Variants in PHF24 observed in about 807,000 individuals in gnomAD.
The protein encoded by PHF24 is PHD finger protein 24, also known as Galpha inhibitory interacting protein.
A neutral mutation model predicts 42.6 loss-of-function variants in PHF24; 25 were observed. The observed-to-expected ratio is 0.59, with a 90% CI of 0.43 to 0.82. The LOEUF (loss-of-function observed/expected upper bound fraction) is 0.82, where lower values mean the gene tolerates loss of function less well. Ranked by LOEUF, PHF24 falls within the 40% of genes least tolerant of loss-of-function variation. The pLI, the probability that PHF24 is intolerant of heterozygous loss-of-function variation, is 0.00. For synonymous variants in PHF24, 185 were observed against 204.8 expected (o/e 0.90, Z 0.83); for missense variants, 470 against 538.1 (o/e 0.87, Z 1.25).
chr9:34,931,518 A>T, the PHF24 span, among the ~76,000 whole-genome samples: 3 of 152,106 alleles, frequency 2.0e-5, no homozygotes, highest in African/African-American at 7.2e-5. Flanking sequence ...AGATATCATC[A>T]CTAAAGAACT....
chr9:34,687,346 TG>T, the PHF24 span, among the ~76,000 whole-genome samples: 1 of 152,160 alleles, frequency 6.6e-6, no homozygotes. Flanking sequence ...TCTATGCAAA[TG>T]CTGGCGGTTT....
At chr9:34,690,205 C>T in the PHF24 span, 6 of 1,614,076 alleles carry the variant, frequency 3.7e-6, no homozygotes, top group Non-Finnish European at 3.4e-6. Context: ...CTCCCCACAA[C>T]TCACACTACA....
the PHF24 span, among the ~76,000 whole-genome samples, chr9:34,915,738 G>A: frequency 0.18 from 27,415 of 152,102 alleles, 2,518 homozygotes; most frequent in South Asian, 0.25. Context: ...CAGAATTGTG[G>A]TGATTTGTGC....
intron 3 of PHF24, among the ~76,000 whole-genome samples, chr9:34,973,802 C>A (rs778351647): frequency 1.1e-4 from 16 of 152,062 alleles, no homozygotes; most frequent in South Asian, 4.1e-4. Flanking sequence ...TTCATCTCGG[C>A]CACTCTGCTT....
chr9:34,922,958 G>T, the PHF24 span: 1,980 of 1,273,290 alleles, frequency 1.6e-3, no homozygotes, highest in Non-Finnish European at 1.9e-3. Flanking sequence ...CCTTGTGTCG[G>T]CATGGCCTCG....
the PHF24 span, among the ~76,000 whole-genome samples, chr9:34,876,107 G>T: frequency 3.3e-5 from 5 of 151,906 alleles, no homozygotes; most frequent in Non-Finnish European, 4.4e-5. Context: ...GTGACTCTCG[G>T]ATCCAATACA....
the PHF24 span, among the ~76,000 whole-genome samples, chr9:34,864,995 A>G: frequency 6.6e-6 from 1 of 152,080 alleles, no homozygotes; most frequent in African/African-American, 2.4e-5. Context: ...GTTAACCAAC[A>G]TGGTGAAACC....
At chr9:34,665,842 C>A in the PHF24 span, 2 of 604,516 alleles carry the variant, frequency 3.3e-6, no homozygotes, top group South Asian at 3.9e-5. Context: ...ATTTGGGAGG[C>A]ACTGGAAGTT....
At chr9:34,978,215 C>A in exon 8 of PHF24, 2 of 842,972 alleles carry the variant, frequency 2.4e-6, no homozygotes, top group South Asian at 1.5e-5. Context: ...GGGGTTGGGA[C>A]ACTGCCAGCG....
At chr9:34,702,926 T>C in the PHF24 span, among the ~76,000 whole-genome samples, 1 of 152,328 alleles carries the variant, frequency 6.6e-6, no homozygotes, top group African/African-American at 2.4e-5. Context: ...TTGATGACTT[T>C]AACAAAACAG....
At chr9:34,775,975 A>G in the PHF24 span, among the ~76,000 whole-genome samples, 2 of 152,204 alleles carry the variant, frequency 1.3e-5, no homozygotes, top group African/African-American at 4.8e-5. Flanking sequence ...GATGCAAAGT[A>G]AAAGGAGCCA....
At chr9:34,832,444 C>G in the PHF24 span, 1 of 1,445,868 alleles carries the variant, frequency 6.9e-7, no homozygotes, top group Non-Finnish European at 9.4e-7. Flanking sequence ...TCCAAGAAAG[C>G]TGGGCCCATC....
chr9:34,976,064 C>T (rs73497322), intron 3 of PHF24, 88 bp from the exon 4 acceptor site: 1 of 895,146 alleles, frequency 1.1e-6, no homozygotes, highest in African/African-American at 1.6e-5. Flanking sequence ...GAACTGCTTT[C>T]CAGTTGAAAT....
the PHF24 span, among the ~76,000 whole-genome samples, chr9:34,778,024 C>T: frequency 6.6e-6 from 1 of 152,192 alleles, no homozygotes. Context: ...CTAATTCTGG[C>T]CAATCGGGCT....
chr9:34,963,258 GTTTTT>G (rs55701555), intron 1 of PHF24, among the ~76,000 whole-genome samples: 1 of 117,110 alleles, frequency 8.5e-6, no homozygotes, highest in Non-Finnish European at 1.8e-5. Context: ...CTTTTTGATG[GTTTTT>G]TTTTTTTTTT....
chr9:34,674,549 A>T, the PHF24 span, among the ~76,000 whole-genome samples: 9 of 152,268 alleles, frequency 5.9e-5, no homozygotes, highest in African/African-American at 2.2e-4. Flanking sequence ...ATGAATAAGC[A>T]TGGCTGTATT....
chr9:34,866,765 C>T, the PHF24 span, among the ~76,000 whole-genome samples: 1 of 152,212 alleles, frequency 6.6e-6, no homozygotes, highest in Non-Finnish European at 1.5e-5. Flanking sequence ...CTGCAGGGCT[C>T]TTGGAGCCTG....
chr9:34,791,960 C>T, the PHF24 span, among the ~76,000 whole-genome samples: 1 of 152,094 alleles, frequency 6.6e-6, no homozygotes, highest in African/African-American at 2.4e-5. Context: ...GATAGAGCCA[C>T]ACACTAAGAG....
the PHF24 span, chr9:34,838,695 T>C: frequency 7.7e-6 from 3 of 387,338 alleles, no homozygotes; most frequent in African/African-American, 6.0e-5. Flanking sequence ...AGTCTGTAGA[T>C]GAGGGTGTTT....
Sources: allele counts gnomAD v4.1 joint callset (sites outside exome capture counted in the v4.1 genomes callset), GRCh38; gene constraint gnomAD v4.1.1; transcripts MANE v1.5; gene names NCBI Gene and HGNC (gene_info 2026-07-23, HGNC 2026-07-21).